The following USP33 variants were observed in gnomAD, a reference collection of about 807,000 sequenced individuals.
The protein encoded by USP33 is ubiquitin specific peptidase 33.
USP33 carries 46 observed loss-of-function variants against 124.2 expected under a neutral mutation model. That is an observed-to-expected ratio of 0.37 (90% confidence interval 0.29 to 0.47). The LOEUF (loss-of-function observed/expected upper bound fraction) is 0.47. Ranked by LOEUF, USP33 falls within the 20% of genes least tolerant of loss-of-function variation. USP33 has a pLI of 0.99. For synonymous variants in USP33, 350 were observed against 352.3 expected (o/e 0.99, Z 0.07); for missense variants, 851 against 1,070.6 (o/e 0.79, Z 2.86).
chr1:77,733,274 G>A (rs576370995), intron 7 of USP33, among the ~76,000 whole-genome samples: 1 of 152,078 alleles, frequency 6.6e-6, no homozygotes, highest in Admixed American at 6.5e-5. Context: ...TGTGCCTGTA[G>A]TCTCAGCTAC....
chr1:77,754,593 T>C (rs1680635242), intron 1 of USP33, among the ~76,000 whole-genome samples: 1 of 152,254 alleles, frequency 6.6e-6, no homozygotes, highest in African/African-American at 2.4e-5. Context: ...CTGTGAGGAT[T>C]TGAAGATCCC....
chr1:77,711,884 G>A (rs1287402064), intron 20 of USP33, 29 bp from the exon 21 acceptor site: 2 of 1,569,506 alleles, frequency 1.3e-6, no homozygotes, highest in African/African-American at 1.4e-5. Context: ...AAGAATTAAT[G>A]TTCTAGGAAG....
chr1:77,752,443 TATA>T (rs1450423308), intron 1 of USP33, among the ~76,000 whole-genome samples: 1 of 152,166 alleles, frequency 6.6e-6, no homozygotes, highest in Non-Finnish European at 1.5e-5. Flanking sequence ...CTGGCCTTAA[TATA>T]ATAATTACAC....
intron 19 of USP33, 70 bp from the exon 20 acceptor site, chr1:77,713,351 T>A: frequency 7.6e-7 from 1 of 1,324,236 alleles, no homozygotes; most frequent in Non-Finnish European, 1.0e-6. Flanking sequence ...AAACTCATTT[T>A]TTTTTTAACA....
At chr1:77,720,355 G>T in intron 15 of USP33, 3 of 985,252 alleles carry the variant, frequency 3.0e-6, no homozygotes, top group Non-Finnish European at 3.6e-6. Context: ...TGCTTTACAA[G>T]GAACAATCCC....
chr1:77,742,898 GTGTC>G (rs1679288717), intron 1 of USP33, among the ~76,000 whole-genome samples: 1 of 151,500 alleles, frequency 6.6e-6, no homozygotes, highest in African/African-American at 2.4e-5. Context: ...TTATATAAGA[GTGTC>G]TGTCTGCCTT....
chr1:77,755,426 C>G (rs1374317976), intron 1 of USP33, among the ~76,000 whole-genome samples: 3 of 152,200 alleles, frequency 2.0e-5, no homozygotes, highest in Admixed American at 2.0e-4. Context: ...CCAGACATGG[C>G]AGCTCATGCC....
intron 18 of USP33, 142 bp from the exon 19 acceptor site, chr1:77,714,925 T>G: frequency 2.5e-6 from 2 of 816,204 alleles, no homozygotes; most frequent in Non-Finnish European, 3.8e-6. Flanking sequence ...ATATACTTTG[T>G]ATTATCCACC....
At chr1:77,737,140 T>C (rs373805825) in intron 5 of USP33, among the ~76,000 whole-genome samples, 4 of 151,846 alleles carry the variant, frequency 2.6e-5, no homozygotes, top group African/African-American at 4.8e-5. Flanking sequence ...TATCAGAAGA[T>C]TGAACTACAA....
At chr1:77,757,674 A>C (rs1680924535) in intron 1 of USP33, among the ~76,000 whole-genome samples, 1 of 152,238 alleles carries the variant, frequency 6.6e-6, no homozygotes, top group Non-Finnish European at 1.5e-5. Flanking sequence ...AAGAGTCCAC[A>C]GTCTTGTCAT....
At chr1:77,750,672 GAAAGAAA>G (rs1680242896) in intron 1 of USP33, among the ~76,000 whole-genome samples, 2 of 147,698 alleles carry the variant, frequency 1.4e-5, no homozygotes, top group Non-Finnish European at 3.0e-5. Context: ...AAGAAAGAAA[GAAAGAAA>G]GAAAGAAAAA....
chr1:77,738,058 G>T (rs1678683722), intron 5 of USP33, among the ~76,000 whole-genome samples: 2 of 152,192 alleles, frequency 1.3e-5, no homozygotes, highest in African/African-American at 4.8e-5. Context: ...AGGTATAAGT[G>T]GGAGAAACAG....
At chr1:77,729,960 A>T (rs1677613548) in intron 8 of USP33, 22 bp from the exon 9 acceptor site, 2 of 1,578,338 alleles carry the variant, frequency 1.3e-6, no homozygotes, top group African/African-American at 2.7e-5. Context: ...AACATTTTTA[A>T]AGAGCAATTT....
intron 21 of USP33, among the ~76,000 whole-genome samples, chr1:77,703,665 C>G (rs940043814): frequency 6.6e-6 from 1 of 152,074 alleles, no homozygotes; most frequent in Admixed American, 6.6e-5. Flanking sequence ...GACTCCTCCC[C>G]CTCACCAGTG....
intron 22 of USP33, among the ~76,000 whole-genome samples, chr1:77,700,727 G>A (rs985888815): frequency 3.0e-5 from 4 of 131,214 alleles, no homozygotes; most frequent in African/African-American, 1.2e-4. Flanking sequence ...TAAAGACAAA[G>A]TCTTGCTCTG....
chr1:77,757,768 G>A (rs1484808544), intron 1 of USP33, among the ~76,000 whole-genome samples: 2 of 152,114 alleles, frequency 1.3e-5, no homozygotes, highest in Non-Finnish European at 2.9e-5. Flanking sequence ...ATTATTTCAG[G>A]CTTTACGAAA....
chr1:77,706,964 A>G (rs1284026238), intron 21 of USP33, among the ~76,000 whole-genome samples: 1 of 152,174 alleles, frequency 6.6e-6, no homozygotes, highest in African/African-American at 2.4e-5. Flanking sequence ...GACTGGACTA[A>G]AAGTTGAGAC....
At chr1:77,716,225 ATTTATT>A (rs1001406757) in intron 17 of USP33, among the ~76,000 whole-genome samples, 22 of 151,870 alleles carry the variant, frequency 1.4e-4, no homozygotes, top group African/African-American at 4.8e-4. Context: ...CACCCAGCTA[ATTTATT>A]TTTGTTTTTT....
intron 1 of USP33, among the ~76,000 whole-genome samples, chr1:77,747,155 T>G (rs1679823212): frequency 6.6e-6 from 1 of 150,882 alleles, no homozygotes; most frequent in Middle Eastern, 3.4e-3. Flanking sequence ...AAGATTGCCC[T>G]CTCCCCACTG....
Sources: gnomAD v4.1 joint callset for allele counts (sites outside exome capture counted in the v4.1 genomes callset) on GRCh38, gnomAD v4.1.1 for gene constraint, MANE v1.5 for transcripts, NCBI Gene and HGNC (gene_info 2026-07-23, HGNC 2026-07-21) for gene names.